The following RPH3A variants were observed in gnomAD, a reference collection of about 807,000 sequenced individuals.
The protein encoded by RPH3A is rabphilin 3A, also known as rabphilin-3A.
A neutral mutation model predicts 102.2 loss-of-function variants in RPH3A; 48 were observed. The observed-to-expected ratio is 0.47, with a 90% CI of 0.37 to 0.60. RPH3A has a LOEUF of 0.60. Ranked by LOEUF, RPH3A falls within the 20% of genes least tolerant of loss-of-function variation. The pLI is 0.00. For missense variants in RPH3A, 781 were observed against 910.1 expected (o/e 0.86, Z 1.83); for synonymous variants, 310 against 324.3 (o/e 0.96, Z 0.47).
intron 2 of RPH3A, among the ~76,000 whole-genome samples, chr12:112,818,248 G>A (rs758530344): frequency 2.7e-5 from 4 of 148,728 alleles, no homozygotes; most frequent in Middle Eastern, 6.9e-3. Context: ...TCAGTGAGCC[G>A]AGATCGCGCC....
At chr12:112,772,965 A>G (rs931107267) in intron 1 of RPH3A, among the ~76,000 whole-genome samples, 1 of 152,094 alleles carries the variant, frequency 6.6e-6, no homozygotes, top group African/African-American at 2.4e-5. Context: ...GCTCCCACAT[A>G]TCAGTGAGAA....
intron 1 of RPH3A, among the ~76,000 whole-genome samples, chr12:112,603,038 T>A (rs1393805033): frequency 6.6e-6 from 1 of 152,128 alleles, no homozygotes; most frequent in East Asian, 1.9e-4. Context: ...CATGGAGAAG[T>A]ATGATTGGAC....
intron 5 of RPH3A, among the ~76,000 whole-genome samples, chr12:112,858,483 G>A (rs980592248): frequency 4.6e-5 from 7 of 151,924 alleles, no homozygotes; most frequent in Non-Finnish European, 7.4e-5. Flanking sequence ...CACTTCCTTC[G>A]CACATGCTAT....
chr12:112,714,808 A>T (rs911324083), intron 1 of RPH3A, among the ~76,000 whole-genome samples: 7 of 152,224 alleles, frequency 4.6e-5, no homozygotes, highest in Non-Finnish European at 1.0e-4. Context: ...AATGTCTGCC[A>T]CAAGGAAAGG....
At chr12:112,590,356 T>A (rs1235615791) in intron 1 of RPH3A, among the ~76,000 whole-genome samples, 1 of 152,120 alleles carries the variant, frequency 6.6e-6, no homozygotes, top group African/African-American at 2.4e-5. Context: ...TGAATGAGGG[T>A]TCCAGTCTCG....
intron 1 of RPH3A, among the ~76,000 whole-genome samples, chr12:112,754,807 T>G (rs1315247984): frequency 6.6e-6 from 1 of 152,214 alleles, no homozygotes; most frequent in Non-Finnish European, 1.5e-5. Context: ...CTCCTCTTAC[T>G]AAACTAATTA....
chr12:112,664,612 T>C (rs1285587386), intron 1 of RPH3A, among the ~76,000 whole-genome samples: 1 of 152,130 alleles, frequency 6.6e-6, no homozygotes, highest in Non-Finnish European at 1.5e-5. Context: ...ATTGTCCTTG[T>C]CTTCATTATA....
At chr12:112,732,013 C>G (rs1186637611) in intron 1 of RPH3A, among the ~76,000 whole-genome samples, 1 of 152,236 alleles carries the variant, frequency 6.6e-6, no homozygotes, top group Non-Finnish European at 1.5e-5. Flanking sequence ...GATCAGATAA[C>G]TATGTTTGAT....
Position 112,720,591 on chromosome 12 carries a change from G to A in RPH3A, c.-139-71552G>A, listed in dbSNP as rs140359673. ...CTCAGTGACGTGCAACAAATGTTTG[G>A]TTCTTGCTCATAAGTTTGCAGGTTG... On this transcript the variant is annotated intron_variant, in intron 1 of 21. Transcript: ENST00000543106. 1.6e-3 allele frequency among the ~76,000 whole-genome samples: 239 copies of A among 152,288 alleles called. 1 individual carries two copies. Among genetic ancestry groups the A allele is most frequent in the Non-Finnish European group, 2.7e-3 (184 of 68,012 alleles).
intron 1 of RPH3A, among the ~76,000 whole-genome samples, chr12:112,628,376 CAA>C (rs1191080371): frequency 6.6e-6 from 1 of 151,428 alleles, no homozygotes. Flanking sequence ...TAATGAGAGA[CAA>C]AGTCAGTGAA....
At chr12:112,748,336 C>T (rs2040762323) in intron 1 of RPH3A, among the ~76,000 whole-genome samples, 1 of 152,078 alleles carries the variant, frequency 6.6e-6, no homozygotes, top group African/African-American at 2.4e-5. Flanking sequence ...ACCCCACTCC[C>T]CCACTGTTTT....
At chr12:112,684,581 T>G (rs2040250171) in intron 1 of RPH3A, among the ~76,000 whole-genome samples, 1 of 152,198 alleles carries the variant, frequency 6.6e-6, no homozygotes, top group South Asian at 2.1e-4. Context: ...AATATCTATT[T>G]TTAATTATCT....
In RPH3A at chr12:112,600,639, C is replaced by A. The variant is rs151056054; in HGVS notation, c.-140+25320C>A. ...CAGCATTTTGGTCAAAACCATTCAA[C>A]AAGTCTCTAGGAAGTTCCAAACTTT... On this transcript the variant is annotated intron_variant, in intron 1 of 21. Transcript: ENST00000543106. 5.9e-5 allele frequency among the ~76,000 whole-genome samples: 9 copies of A among 152,334 alleles called. No individual in the cohort carries two copies. In the East Asian group the frequency reaches 1.7e-3, roughly 29 times the overall value.
At chr12:112,814,118 TG>T (rs1186679152) in intron 2 of RPH3A, among the ~76,000 whole-genome samples, 1 of 150,840 alleles carries the variant, frequency 6.6e-6, no homozygotes, top group Non-Finnish European at 1.5e-5. Flanking sequence ...GGAGTGTGGG[TG>T]GGGATGTGAG....
chr12:112,825,441 A>G (rs1432723974), intron 2 of RPH3A, among the ~76,000 whole-genome samples: 1 of 152,170 alleles, frequency 6.6e-6, no homozygotes, highest in Non-Finnish European at 1.5e-5. Context: ...ACAGGAAACA[A>G]GACCTACAGG....
intron 6 of RPH3A, 74 bp downstream of exon 6, chr12:112,865,617 G>C: frequency 6.7e-7 from 1 of 1,498,928 alleles, no homozygotes; most frequent in Non-Finnish European, 9.0e-7. Context: ...CCAGCTGTAG[G>C]GGTCACTGGG....
intron 2 of RPH3A, among the ~76,000 whole-genome samples, chr12:112,821,647 A>G (rs1171503009): frequency 6.6e-6 from 1 of 152,214 alleles, no homozygotes; most frequent in East Asian, 1.9e-4. Context: ...CCACCTATTT[A>G]AAATCACACT....
intron 1 of RPH3A, among the ~76,000 whole-genome samples, chr12:112,727,609 A>G (rs1379333704): frequency 1.3e-5 from 2 of 151,398 alleles, no homozygotes; most frequent in African/African-American, 4.9e-5. Context: ...ATGGAAAGAA[A>G]CTTAAACTTA....
chr12:112,696,125 TG>T (rs2040350122), intron 1 of RPH3A, among the ~76,000 whole-genome samples: 1 of 152,244 alleles, frequency 6.6e-6, no homozygotes, highest in African/African-American at 2.4e-5. Flanking sequence ...CTTAGAATAG[TG>T]GCCTCCAGCT....
Sources: allele counts gnomAD v4.1 joint callset (sites outside exome capture counted in the v4.1 genomes callset), GRCh38; gene constraint gnomAD v4.1.1; transcripts MANE v1.5; gene names NCBI Gene and HGNC (gene_info 2026-07-23, HGNC 2026-07-21).